The following ZNF680 variants were observed in gnomAD, a reference collection of about 807,000 sequenced individuals.
The protein encoded by ZNF680 is hypothetical protein FLJ90430.
In ZNF680, 6 loss-of-function variants were observed where a neutral mutation model predicts 12.1. That is an observed-to-expected ratio of 0.49 (90% CI 0.27 to 0.98). The LOEUF (loss-of-function observed/expected upper bound fraction) is 0.98. Among genes scored for constraint, ZNF680 ranks in the 50% least tolerant of loss-of-function variants. The probability of loss-of-function intolerance (pLI) is 0.12; values close to 1 mark genes in which losing one functional copy is unlikely to be tolerated. For synonymous variants in ZNF680, 170 were observed against 199.3 expected (o/e 0.85, Z 1.24); for missense variants, 561 against 616.3 (o/e 0.91, Z 0.95).
chr7:64,519,015 C>T (rs1791411878), downstream of ZNF680, among the ~76,000 whole-genome samples: 1 of 152,020 alleles, frequency 6.6e-6, no homozygotes, highest in Non-Finnish European at 1.5e-5. Flanking sequence ...AACTACAAAG[C>T]TTCTGCAGAG....
chr7:64,529,839 A>G (rs1022744944), intron 3 of ZNF680, among the ~76,000 whole-genome samples: 4 of 152,254 alleles, frequency 2.6e-5, no homozygotes, highest in Non-Finnish European at 5.9e-5. Context: ...ACCTAGGCAC[A>G]CTGCCATCAG....
the ZNF680 span, among the ~76,000 whole-genome samples, chr7:64,503,279 C>CAT: frequency 3.1e-4 from 23 of 74,912 alleles, 1 homozygote; most frequent in African/African-American, 2.3e-3. Context: ...TTTCAGCACA[C>CAT]ATATAGTTTT....
rs372621774 is a variant in ZNF680 at position 64,544,287 on chromosome 7, G to T, written c.157+19C>A. 9 of 1,596,708 alleles carry T rather than the reference G, an allele frequency of 5.6e-6. 1 individual carries two copies. Among genetic ancestry groups the T allele is most frequent in the South Asian group, 2.2e-5 (2 of 90,658 alleles). On this transcript the variant is annotated intron_variant, in intron 2 of 3. Transcript: ENST00000309683. Reference sequence around the variant, plus strand: ...ACCTTTAGGGCATATTAGGAATTGTGTGTTGAAGTTATCCTCACCCAGGAA... The same window carrying T: ...ACCTTTAGGGCATATTAGGAATTGTTTGTTGAAGTTATCCTCACCCAGGAA...
chr7:64,547,790 T>C (rs1786862000), intron 1 of ZNF680, among the ~76,000 whole-genome samples: 1 of 152,222 alleles, frequency 6.6e-6, no homozygotes, highest in South Asian at 2.1e-4. Flanking sequence ...AACAAGTTGC[T>C]ACATGGAACA....
At chr7:64,533,214 G>T (rs991981472) in intron 3 of ZNF680, among the ~76,000 whole-genome samples, 1 of 152,148 alleles carries the variant, frequency 6.6e-6, no homozygotes, top group Non-Finnish European at 1.5e-5. Flanking sequence ...TCAGTAAAGA[G>T]AAAGTCAAAC....
At chr7:64,501,316 T>G in the ZNF680 span, 2 of 1,186,422 alleles carry the variant, frequency 1.7e-6, no homozygotes, top group Admixed American at 1.7e-5. Context: ...AGAAAACACC[T>G]CATGAAGGGG....
the ZNF680 span, among the ~76,000 whole-genome samples, chr7:64,508,456 A>C: frequency 6.6e-6 from 1 of 152,164 alleles, no homozygotes; most frequent in Admixed American, 6.5e-5. Context: ...GCTTGTTTTC[A>C]GGCTTAACAC....
chr7:64,518,538 C>T (rs2116341625), downstream of ZNF680, among the ~76,000 whole-genome samples: 1 of 152,006 alleles, frequency 6.6e-6, no homozygotes. Context: ...ATCAAAATAG[C>T]AACATCATTC....
At chr7:64,562,829 G>T in intron 1 of ZNF680, 96 bp downstream of exon 1, 1 of 1,431,050 alleles carries the variant, frequency 7.0e-7, no homozygotes, top group Non-Finnish European at 9.8e-7. Flanking sequence ...GGATTTTGGA[G>T]CCCAGTGCTT....
In ZNF680 at chr7:64,521,646, T is replaced by C. The variant is rs760846713; in HGVS notation, c.1108A>G (p.Lys370Glu). The change falls in exon 4 of 4, where the codon AAA (lysine) becomes GAA (glutamate). Residue 370 changes from lysine to glutamate, a missense_variant. Lys to Glu is a moderately conservative substitution (Grantham distance 56). Transcript: ENST00000309683. ...NQFANLTRHK[K>E]IHTGEKSYKC... ...TAGGATTTCTCTCCAGTATGAATTT[T>C]CTTATGTCTAGTAAGGTTTGCAAAC... 4 of 1,612,482 alleles carry C rather than the reference T, an allele frequency of 2.5e-6. No homozygotes were observed. The Admixed American group carries it at 6.7e-5, about 27-fold the overall frequency.
intron 3 of ZNF680, among the ~76,000 whole-genome samples, chr7:64,536,527 G>C (rs1026229628): frequency 1.1e-4 from 17 of 152,184 alleles, no homozygotes; most frequent in African/African-American, 4.1e-4. Context: ...ATTACCACGA[G>C]GATGGCGTCA....
intron 1 of ZNF680, among the ~76,000 whole-genome samples, chr7:64,544,785 G>A (rs1261482124): frequency 1.3e-5 from 2 of 152,172 alleles, no homozygotes; most frequent in Non-Finnish European, 2.9e-5. Flanking sequence ...GAAAAGACAT[G>A]TTGAATTAGA....
chr7:64,506,148 A>C, the ZNF680 span, among the ~76,000 whole-genome samples: 2 of 151,978 alleles, frequency 1.3e-5, no homozygotes, highest in Non-Finnish European at 1.5e-5. Flanking sequence ...ATCATGTTAG[A>C]ATTTTGCCCA....
chr7:64,526,794 G>C (rs568052846), intron 3 of ZNF680, among the ~76,000 whole-genome samples: 1 of 152,214 alleles, frequency 6.6e-6, no homozygotes, highest in Admixed American at 6.5e-5. Context: ...ATTAGTTTTT[G>C]CATTAAATTG....
downstream of ZNF680, among the ~76,000 whole-genome samples, chr7:64,519,691 T>C (rs1248125729): frequency 6.6e-6 from 1 of 151,814 alleles, no homozygotes; most frequent in Non-Finnish European, 1.5e-5. Flanking sequence ...AAAAGAAAAT[T>C]TTATTATTTT....
intron 3 of ZNF680, among the ~76,000 whole-genome samples, chr7:64,534,993 T>C (rs1372700498): frequency 3.9e-5 from 3 of 77,226 alleles, no homozygotes; most frequent in Non-Finnish European, 7.3e-5. Flanking sequence ...CAATAAACTT[T>C]GGGGACTTGG....
rs1162435638 is a variant in ZNF680 at position 64,521,675 on chromosome 7, T to C, written c.1079A>G (p.Asn360Ser). The C allele has an allele frequency of 2.5e-6, 4 of 1,612,334 alleles. No individual in the cohort carries two copies. Among genetic ancestry groups the C allele is most frequent in the Non-Finnish European group, 3.4e-6 (4 of 1,179,740 alleles). Residue 360 changes from asparagine (N) to serine (S), a missense_variant, in exon 4 of 4, where the codon AAC becomes AGC. Coordinates refer to ENST00000309683, the MANE Select transcript of ZNF680 (RefSeq NM_178558.5). ...YKCEECGKAF[N>S]QFANLTRHKK... is the part of the protein sequence containing the mutation. Reference sequence around the variant, plus strand: ...ATGTCTAGTAAGGTTTGCAAACTGGTTAAAAGCTTTGCCACATTCTTCACA... The same window carrying C: ...ATGTCTAGTAAGGTTTGCAAACTGGCTAAAAGCTTTGCCACATTCTTCACA...
Position 64,563,035 on chromosome 7 carries a change from A to G in ZNF680, c.-81T>C, listed in dbSNP as rs957034880. On this transcript the variant is annotated 5_prime_UTR_variant, in exon 1 of 4. Transcript: ENST00000309683. ...CTAGGAGCAGAATACACAGAGCAGT[A>G]AAGACTAGACCTGGAGCTCCCGCAG... 21 of 1,545,220 alleles carry G rather than the reference A, an allele frequency of 1.4e-5. No homozygotes were observed. The Admixed American group carries it at 3.4e-4, about 25-fold the overall frequency.
the ZNF680 span, among the ~76,000 whole-genome samples, chr7:64,509,558 G>T: frequency 6.6e-6 from 1 of 151,886 alleles, no homozygotes; most frequent in Non-Finnish European, 1.5e-5. Flanking sequence ...TCTTCACTGG[G>T]GCCATAGCAA....
Sources: gnomAD v4.1 joint callset for allele counts (sites outside exome capture counted in the v4.1 genomes callset) on GRCh38, gnomAD v4.1.1 for gene constraint, MANE v1.5 for transcripts, NCBI Gene and HGNC (gene_info 2026-07-23, HGNC 2026-07-21) for gene names.